Variants in ERC2 observed in about 807,000 individuals in gnomAD.
The protein encoded by ERC2 is ERC protein 2.
A neutral mutation model predicts 114.8 loss-of-function variants in ERC2; 42 were observed. The observed-to-expected ratio is 0.37, with a 90% CI of 0.29 to 0.47. ERC2 has a LOEUF of 0.47. Among genes scored for constraint, ERC2 ranks in the 20% least tolerant of loss-of-function variants. The pLI, the probability that ERC2 is intolerant of heterozygous loss-of-function variation, is 0.99. For missense variants in ERC2, 939 were observed against 1,150.7 expected, an observed-to-expected ratio of 0.82 and a Z score of 2.66; for synonymous variants, 454 against 425.5, an observed-to-expected ratio of 1.07 and a Z score of -0.82.
chr3:56,085,886 AT>A (rs368953341), intron 6 of ERC2, among the ~76,000 whole-genome samples: 295 of 152,284 alleles, frequency 1.9e-3, no homozygotes, highest in Non-Finnish European at 3.5e-3. Flanking sequence ...TTTGCCCTGC[AT>A]CCTACCTATC....
chr3:56,410,370 CA>C lies in ERC2; in HGVS notation c.657+23980del, dbSNP rs768769749. Among the ~76,000 whole-genome samples the C allele has an allele frequency of 1.5e-4, 23 of 152,276 alleles. No homozygotes were observed. The East Asian group carries it at 2.3e-3, about 15-fold the overall frequency. Reference sequence around the variant, plus strand: ...ATATCAAGCCATATGAATAAATTAACAAAATTACTCTATAGAGAGCTCTTCC... The same window carrying C: ...ATATCAAGCCATATGAATAAATTAACAAATTACTCTATAGAGAGCTCTTCC... On this transcript the variant is annotated intron_variant, in intron 2 of 17. Transcript: ENST00000288221.
intron 2 of ERC2, among the ~76,000 whole-genome samples, chr3:56,410,697 A>G (rs1323692490): frequency 6.6e-6 from 1 of 152,100 alleles, no homozygotes; most frequent in African/African-American, 2.4e-5. Flanking sequence ...TCTGTCACCC[A>G]GGCTGGAGTG....
chr3:55,827,435 G>A (rs1377336076), intron 14 of ERC2, among the ~76,000 whole-genome samples: 2 of 151,596 alleles, frequency 1.3e-5, no homozygotes, highest in Non-Finnish European at 2.9e-5. Flanking sequence ...AGAGAGGGAG[G>A]GAGGGAGGAA....
chr3:55,572,468 A>G (rs1170880052), intron 17 of ERC2, among the ~76,000 whole-genome samples: 3 of 152,246 alleles, frequency 2.0e-5, no homozygotes, highest in Admixed American at 1.3e-4. Context: ...CTATGCTTAA[A>G]TAACACCAGG....
chr3:55,589,525 C>T (rs1027846959), intron 17 of ERC2, among the ~76,000 whole-genome samples: 11 of 152,116 alleles, frequency 7.2e-5, no homozygotes, highest in African/African-American at 2.7e-4. Context: ...ATAGTAAATA[C>T]TCAATAAATG....
Position 55,712,247 on chromosome 3 carries a change from A to C in ERC2, c.2713-12735T>G, listed in dbSNP as rs371246292. Among the ~76,000 whole-genome samples, 42 of 152,344 alleles carry C rather than the reference A, an allele frequency of 2.8e-4. No individual in the cohort carries two copies. The East Asian group carries it at 4.8e-3, about 17-fold the overall frequency. ...GGGCTGATTTCAGGAAGAGAAGAGC[A>C]TAAGTGAAGGTGGGAAGAGGGCACA... On this transcript the variant is annotated intron_variant, in intron 15 of 17. Transcript: ENST00000288221.
At chr3:56,124,823 G>C (rs556497525) in intron 6 of ERC2, among the ~76,000 whole-genome samples, 1 of 152,256 alleles carries the variant, frequency 6.6e-6, no homozygotes, top group Non-Finnish European at 1.5e-5. Context: ...AAAGAAAAAA[G>C]TGGGAAATGA....
intron 14 of ERC2, among the ~76,000 whole-genome samples, chr3:55,874,441 C>T (rs1372909423): frequency 6.6e-6 from 1 of 152,118 alleles, no homozygotes; most frequent in African/African-American, 2.4e-5. Context: ...TTCTTCTTTA[C>T]AAAACCACAG....
intron 13 of ERC2, among the ~76,000 whole-genome samples, chr3:55,900,670 G>A (rs1356650310): frequency 6.6e-6 from 1 of 152,130 alleles, no homozygotes; most frequent in Non-Finnish European, 1.5e-5. Context: ...AATAGGGAGT[G>A]GCTTCCCTAT....
intron 7 of ERC2, among the ~76,000 whole-genome samples, chr3:56,042,857 T>A (rs1049084742): frequency 1.3e-5 from 2 of 152,206 alleles, no homozygotes; most frequent in African/African-American, 2.4e-5. Context: ...GAATTTTGTG[T>A]AATTTTTCCT....
intron 3 of ERC2, among the ~76,000 whole-genome samples, chr3:56,194,439 C>G (rs976395996): frequency 7.9e-5 from 12 of 152,208 alleles, no homozygotes; most frequent in African/African-American, 2.6e-4. Context: ...GCCTGGGAGA[C>G]AGAGTGAGAC....
intron 13 of ERC2, among the ~76,000 whole-genome samples, chr3:55,911,932 C>G (rs1408596571): frequency 2.0e-5 from 3 of 152,030 alleles, no homozygotes; most frequent in Non-Finnish European, 4.4e-5. Flanking sequence ...CTATACAGAC[C>G]ACAGACAGGA....
chr3:55,697,146 G>T (rs948226912), intron 16 of ERC2, among the ~76,000 whole-genome samples: 4 of 152,162 alleles, frequency 2.6e-5, no homozygotes, highest in African/African-American at 7.2e-5. Context: ...GAAGACAGGG[G>T]TTCTGTCCAT....
At chr3:55,733,579 C>CAA (rs2065435406) in intron 15 of ERC2, among the ~76,000 whole-genome samples, 4 of 151,488 alleles carry the variant, frequency 2.6e-5, no homozygotes, top group Admixed American at 1.3e-4. Flanking sequence ...CACACACACA[C>CAA]ACACACATTC....
intron 6 of ERC2, among the ~76,000 whole-genome samples, chr3:56,123,325 C>A (rs891794697): frequency 1.3e-5 from 2 of 152,076 alleles, no homozygotes; most frequent in African/African-American, 4.8e-5. Flanking sequence ...GCTAGCTAGC[C>A]TTTCTTTCAT....
intron 2 of ERC2, among the ~76,000 whole-genome samples, chr3:56,359,412 G>A (rs906196159): frequency 9.2e-5 from 14 of 152,234 alleles, no homozygotes; most frequent in Middle Eastern, 3.2e-3. Flanking sequence ...AGAACCACTT[G>A]ACTGACAATC....
At chr3:56,043,789 A>G (rs189351645) in intron 7 of ERC2, among the ~76,000 whole-genome samples, 5 of 152,282 alleles carry the variant, frequency 3.3e-5, no homozygotes, top group African/African-American at 9.6e-5. Flanking sequence ...TTCCTCATCT[A>G]CAATTCAATT....
At chr3:56,184,058 G>T (rs1309641629) in intron 3 of ERC2, among the ~76,000 whole-genome samples, 1 of 152,028 alleles carries the variant, frequency 6.6e-6, no homozygotes, top group Non-Finnish European at 1.5e-5. Context: ...CTAAAACTAT[G>T]CTATCTGAAT....
At chr3:55,638,995 C>T (rs1288181988) in intron 17 of ERC2, among the ~76,000 whole-genome samples, 1 of 152,102 alleles carries the variant, frequency 6.6e-6, no homozygotes, top group African/African-American at 2.4e-5. Context: ...ATGACATCTC[C>T]CTTGACAATA....
Sources: gnomAD v4.1 joint callset for allele counts (sites outside exome capture counted in the v4.1 genomes callset) on GRCh38, gnomAD v4.1.1 for gene constraint, MANE v1.5 for transcripts, NCBI Gene and HGNC (gene_info 2026-07-23, HGNC 2026-07-21) for gene names.